Variants in SMARCAD1 observed in about 807,000 individuals in gnomAD.
SMARCAD1 encodes the protein SNF2 related chromatin remodeling ATPase with DExD box 1.
SMARCAD1 carries 25 observed loss-of-function variants against 127.1 expected under a neutral mutation model. The ratio of observed to expected loss-of-function variants is 0.20; its 90% CI spans 0.14 to 0.27. The LOEUF (loss-of-function observed/expected upper bound fraction) is 0.27, where lower values mean the gene tolerates loss of function less well. Among genes scored for constraint, SMARCAD1 ranks in the 10% least tolerant of loss-of-function variants. SMARCAD1 has a pLI of 1.00. For synonymous variants in SMARCAD1, 400 were observed against 396.9 expected (o/e 1.01, Z -0.09); for missense variants, 807 against 1,206.0 (o/e 0.67, Z 4.90).
At chr4:94,248,503 C>G (rs1480844811) in intron 6 of SMARCAD1, 1 of 456,046 alleles carries the variant, frequency 2.2e-6, no homozygotes, top group Non-Finnish European at 4.4e-6. Flanking sequence ...GTAAAGGTGG[C>G]AGTATGAATT....
chr4:94,284,934 T>C (rs753679290), intron 22 of SMARCAD1, 26 bp from the exon 23 acceptor site: 2 of 1,311,208 alleles, frequency 1.5e-6, no homozygotes, highest in Non-Finnish European at 2.2e-6. Flanking sequence ...TAGTAACCAA[T>C]GGACATATTT....
chr4:94,216,458 T>C (rs1196746109), intron 2 of SMARCAD1, among the ~76,000 whole-genome samples: 1 of 152,194 alleles, frequency 6.6e-6, no homozygotes. Flanking sequence ...TTAAAAATTA[T>C]GATAAAATAC....
chr4:94,231,825 GATC>G (rs1299763725), intron 3 of SMARCAD1, among the ~76,000 whole-genome samples: 36 of 151,994 alleles, frequency 2.4e-4, no homozygotes, highest in Middle Eastern at 3.4e-3. Context: ...TCTCTAAAGA[GATC>G]AAGTCTTTTC....
chr4:94,226,878 G>A (rs1395131613), intron 3 of SMARCAD1, among the ~76,000 whole-genome samples: 1 of 148,566 alleles, frequency 6.7e-6, no homozygotes, highest in Non-Finnish European at 1.5e-5. Context: ...TTTTTTTCTT[G>A]TTTTTTCTAG....
At chr4:94,242,259 G>T (rs1298148895) in intron 6 of SMARCAD1, among the ~76,000 whole-genome samples, 1 of 151,574 alleles carries the variant, frequency 6.6e-6, no homozygotes, top group East Asian at 1.9e-4. Flanking sequence ...TGGCCAGGCT[G>T]GTCTCGAACT....
rs1215702549 is a variant in SMARCAD1, at chr4:94,289,595, T to C, written c.*61T>C. 2.3e-6 allele frequency: 3 copies of C among 1,299,560 alleles called. No homozygotes were observed. Among genetic ancestry groups the C allele is most frequent in the Non-Finnish European group, 3.4e-6 (3 of 893,260 alleles). The allele number at this position is 1,299,560 out of a possible 1,614,324, so 80.5% of individuals were successfully genotyped here. A position where few individuals can be genotyped will look rare whatever the true frequency, so the allele number is the denominator to read the frequency against. On this transcript the variant is annotated 3_prime_UTR_variant, in exon 24 of 24. Transcript: ENST00000354268. ...ATCAACTTGGTGCACTCAAGGACAT[T>C]TACATTATGATGACCATGGGGTTTA...
intron 2 of SMARCAD1, among the ~76,000 whole-genome samples, chr4:94,212,410 A>G (rs1742416400): frequency 6.6e-6 from 1 of 151,964 alleles, no homozygotes; most frequent in African/African-American, 2.4e-5. Context: ...CCTGACGTCA[A>G]GTGATCCACG....
chr4:94,277,755 T>G (rs1361631891), intron 16 of SMARCAD1, among the ~76,000 whole-genome samples: 1 of 152,224 alleles, frequency 6.6e-6, no homozygotes, highest in African/African-American at 2.4e-5. Context: ...CACTAATCTT[T>G]TGCAAGAATT....
intron 12 of SMARCAD1, 125 bp from the exon 13 acceptor site, chr4:94,274,613 G>A: frequency 1.1e-6 from 1 of 930,134 alleles, no homozygotes. Context: ...CACCTTGCTG[G>A]GCCAGTATTT....
chr4:94,254,937 A>G (rs1480310002), intron 9 of SMARCAD1, among the ~76,000 whole-genome samples: 4 of 152,064 alleles, frequency 2.6e-5, no homozygotes, highest in Non-Finnish European at 5.9e-5. Context: ...CCTAGAGCAG[A>G]TTTAATATCT....
chr4:94,234,378 T>A (rs1746312653), intron 4 of SMARCAD1, among the ~76,000 whole-genome samples: 2 of 152,196 alleles, frequency 1.3e-5, no homozygotes, highest in South Asian at 4.1e-4. Context: ...TTTTTTGTGT[T>A]TGAATGTTTC....
At chr4:94,283,037 T>C in intron 21 of SMARCAD1, 84 bp from the exon 22 acceptor site, 1 of 1,207,500 alleles carries the variant, frequency 8.3e-7, no homozygotes, top group Admixed American at 2.0e-5. Context: ...CAGGTTTCTT[T>C]TTCATGTGAT....
chr4:94,242,451 A>G (rs1442189512), intron 6 of SMARCAD1, among the ~76,000 whole-genome samples: 9 of 152,122 alleles, frequency 5.9e-5, no homozygotes, highest in African/African-American at 2.2e-4. Flanking sequence ...TGTTCCTGAT[A>G]CATTGCTGAT....
In SMARCAD1 at chr4:94,242,059, A is replaced by C. The variant is rs1186564549; in HGVS notation, c.705+1053A>C. 2.0e-5 allele frequency among the ~76,000 whole-genome samples: 3 copies of C among 151,956 alleles called. No individual in the cohort carries two copies. The East Asian group carries it at 5.8e-4, about 29-fold the overall frequency. On this transcript the variant is annotated intron_variant, in intron 6 of 23. Transcript: ENST00000354268. ...TTTGTTTTGTTTTGCTTTTTGAGAC[A>C]GAGTCTTACTCTGTCCCAGGCTGGA...
chr4:94,234,603 A>G (rs756525251), intron 4 of SMARCAD1, among the ~76,000 whole-genome samples: 20 of 152,240 alleles, frequency 1.3e-4, no homozygotes, highest in Non-Finnish European at 2.6e-4. Context: ...ACAAAGGAGT[A>G]TAGTTGAAAT....
intron 9 of SMARCAD1, among the ~76,000 whole-genome samples, chr4:94,260,111 T>C (rs1292604334): frequency 6.6e-6 from 1 of 152,164 alleles, no homozygotes; most frequent in Admixed American, 6.5e-5. Flanking sequence ...GTCTAAACTT[T>C]TCTGATTATA....
In SMARCAD1 at chr4:94,253,477, C is replaced by T. The variant is rs1413935684; in HGVS notation, c.1281+470C>T. 3.5e-6 allele frequency: 4 copies of T among 1,141,202 alleles called. No homozygotes were observed. The East Asian group carries it at 2.0e-4, about 56-fold the overall frequency. The allele number at this position is 1,141,202 out of a possible 1,614,324, so 70.7% of individuals were successfully genotyped here. A position where few individuals can be genotyped will look rare whatever the true frequency, so the allele number is the denominator to read the frequency against. The stretch of plus-strand genomic sequence containing the variant: ...GCCAGCCTAAGTGTTTTATGCTTCA[C>T]CACAAAAGAAGCAATTGTTTATTTT... On this transcript the variant is annotated intron_variant, in intron 9 of 23. Transcript: ENST00000354268.
chr4:94,262,411 C>T (rs189455176), intron 9 of SMARCAD1, among the ~76,000 whole-genome samples: 2 of 152,324 alleles, frequency 1.3e-5, no homozygotes, highest in Non-Finnish European at 2.9e-5. Context: ...TTATCAGTTT[C>T]TCCGTGTCCA....
intron 23 of SMARCAD1, among the ~76,000 whole-genome samples, chr4:94,287,508 CTTAG>C (rs1412773139): frequency 4.6e-5 from 7 of 152,128 alleles, no homozygotes; most frequent in African/African-American, 1.7e-4. Flanking sequence ...TAGAGCTTGC[CTTAG>C]TTGTTACCAG....
Sources: allele counts gnomAD v4.1 joint callset (sites outside exome capture counted in the v4.1 genomes callset), GRCh38; gene constraint gnomAD v4.1.1; transcripts MANE v1.5; gene names NCBI Gene and HGNC (gene_info 2026-07-23, HGNC 2026-07-21).